MAPK3: variants seen among roughly 807,000 people sequenced by gnomAD.
MAPK3 encodes the protein mitogen-activated protein kinase 3.
In MAPK3, 30 loss-of-function variants were observed where a neutral mutation model predicts 41.8. That is an observed-to-expected ratio of 0.72 (90% CI 0.54 to 0.97). MAPK3 has a LOEUF of 0.97. MAPK3 is among the 50% of genes least tolerant of loss of function. The pLI is 0.00. For missense variants in MAPK3, 413 were observed against 509.9 expected (o/e 0.81, Z 1.83); for synonymous variants, 222 against 213.4 (o/e 1.04, Z -0.35).
chr16:30,116,806 C>A lies in MAPK3; in HGVS notation c.1018-16G>T, dbSNP rs369133216. ...CGGCCACTGGCTGGGGTGGTAGAGA[C>A]AGCAAGGCTCAGGCCTGGCATGGGG... On this transcript the variant is annotated splice_polypyrimidine_tract_variant and intron_variant, in intron 7 of 8. Coordinates refer to ENST00000263025, the MANE Select transcript of MAPK3 (RefSeq NM_002746.3). The A allele has an allele frequency of 6.2e-7, 1 of 1,613,756 alleles. No homozygotes were observed. Among genetic ancestry groups the A allele is most frequent in the Non-Finnish European group, 8.5e-7 (1 of 1,179,952 alleles).
At chr16:30,120,768 C>T (rs528930324) in intron 2 of MAPK3, among the ~76,000 whole-genome samples, 5 of 150,274 alleles carry the variant, frequency 3.3e-5, no homozygotes, top group Non-Finnish European at 7.4e-5. Flanking sequence ...ACTGCAGCCT[C>T]GAACTCCTAA....
At chr16:30,122,353 G>T in intron 1 of MAPK3, 1 of 372,894 alleles carries the variant, frequency 2.7e-6, no homozygotes, top group Non-Finnish European at 5.1e-6. Context: ...CAGATGCTGG[G>T]GACACACCAT....
intron 1 of MAPK3, 22 bp downstream of exon 1, chr16:30,123,018 C>A: frequency 6.7e-7 from 1 of 1,482,208 alleles, no homozygotes; most frequent in East Asian, 2.8e-5. Flanking sequence ...AGGGCACCCC[C>A]TCCCCCGGAA....
intron 2 of MAPK3, among the ~76,000 whole-genome samples, chr16:30,121,104 G>GT (rs2073011068): frequency 6.6e-6 from 1 of 151,682 alleles, no homozygotes; most frequent in Non-Finnish European, 1.5e-5. Context: ...AAGAAAGGCA[G>GT]TTTTTTGTTT....
rs762464616 is a variant in MAPK3, at chr16:30,116,986, G to A, written c.925C>T (p.Arg309Trp). ...TTATTGGGGTTAAAGGTTAACATCC[G>A]GTCCAGCAGGTCAAGGGCTATGGAA... Reference protein sequence around the residue: ...SDSKALDLLDRMLTFNPNKRI... With the variant: ...SDSKALDLLDWMLTFNPNKRI... Residue 309 changes from arginine (R) to tryptophan (W), a missense_variant, in exon 7 of 9, where the codon CGG becomes TGG. Arg to Trp is a moderately radical substitution (Grantham distance 101). Transcript: ENST00000263025. 29 of 1,605,930 alleles carry A rather than the reference G, an allele frequency of 1.8e-5. No individual in the cohort carries two copies. Among genetic ancestry groups the A allele is most frequent in the Admixed American group, 1.0e-4 (6 of 59,480 alleles).
intron 7 of MAPK3, 24 bp from the exon 8 acceptor site, chr16:30,116,814 C>A (rs770202943): frequency 9.5e-5 from 153 of 1,613,526 alleles, no homozygotes; most frequent in Admixed American, 2.3e-4. Flanking sequence ...GACAGCAAGG[C>A]TCAGGCCTGG....
At position 30,117,287 on chromosome 16, in the gene MAPK3, T is replaced by G; in HGVS notation, c.776-2A>C. On this transcript the variant is annotated splice_acceptor_variant, in intron 5 of 8. Transcript: ENST00000263025. LOFTEE classifies it high-confidence loss of function. ...CCTGGGATGGGGAGCCCAGGATGCC[T>G]GTGGATAAGGAGGTGACTTGGTAAA... 6.2e-7 allele frequency: 1 copy of G among 1,613,762 alleles called. No individual in the cohort carries two copies. Among genetic ancestry groups the G allele is most frequent in the Non-Finnish European group, 8.5e-7 (1 of 1,179,864 alleles).
chr16:30,123,040 C>G lies in MAPK3; in HGVS notation c.170G>C (p.Ser57Thr). The G allele has an allele frequency of 1.3e-6, 2 of 1,556,180 alleles. No homozygotes were observed. Among genetic ancestry groups the G allele is most frequent in the Non-Finnish European group, 1.7e-6 (2 of 1,152,186 alleles). Residue 57 changes from serine (S) to threonine (T), a missense_variant and splice_region_variant, in exon 1 of 9, where the codon AGC becomes ACC. Ser to Thr is a moderately conservative substitution (Grantham distance 58). Transcript: ENST00000263025. ...YIGEGAYGMVSSAYDHVRKTR... is the reference protein window; with the variant it reads ...YIGEGAYGMVTSAYDHVRKTR... ...CCCCTCCCCCGGAACGCCCCCTCAC[C>G]TGACCATGCCGTACGCGCCCTCGCC...
chr16:30,123,211 T>G lies in MAPK3; in HGVS notation c.-2A>C. 1.1e-6 allele frequency: 1 copy of G among 935,766 alleles called. No homozygotes were observed. Among genetic ancestry groups the G allele is most frequent in the Non-Finnish European group, 1.4e-6 (1 of 700,562 alleles). 58.0% of individuals were successfully genotyped at this position (935,766 alleles called of 1,614,324 possible). A position where few individuals can be genotyped will look rare whatever the true frequency, so the allele number is the denominator to read the frequency against. Reference sequence around the variant, plus strand: ...CCCCTGAGCCGCCGCCGCCGCCATCTCCACTCCTCCCCTCCCACCGCCCTC... The same window carrying G: ...CCCCTGAGCCGCCGCCGCCGCCATCGCCACTCCTCCCCTCCCACCGCCCTC... On this transcript the variant is annotated 5_prime_UTR_variant, in exon 1 of 9. Transcript: ENST00000263025.
chr16:30,121,063 A>T (rs1402033918), intron 2 of MAPK3, among the ~76,000 whole-genome samples: 1 of 151,738 alleles, frequency 6.6e-6, no homozygotes, highest in African/African-American at 2.4e-5. Flanking sequence ...AGCATTGGGC[A>T]TGTATAGTAC....
At chr16:30,120,363 C>A (rs953222109) in intron 2 of MAPK3, among the ~76,000 whole-genome samples, 1 of 150,294 alleles carries the variant, frequency 6.7e-6, no homozygotes, top group African/African-American at 2.4e-5. Flanking sequence ...TTGCAGACAC[C>A]TCAGTACAAA....
intron 2 of MAPK3, among the ~76,000 whole-genome samples, chr16:30,118,975 C>G (rs2072988430): frequency 6.6e-6 from 1 of 151,974 alleles, no homozygotes; most frequent in Admixed American, 6.6e-5. Context: ...AACCCTGTCT[C>G]TACTAAAAAT....
Position 30,116,755 on chromosome 16 carries a change from C to T in MAPK3, c.1053G>A (p.Glu351=). The T allele has an allele frequency of 1.2e-6, 2 of 1,613,950 alleles. No homozygotes were observed. Among genetic ancestry groups the T allele is most frequent in the Non-Finnish European group, 1.7e-6 (2 of 1,180,006 alleles). The change falls in exon 8 of 9, where the codon GAG becomes GAA. Residue 351 remains glutamate, a synonymous_variant. Transcript: ENST00000263025. The stretch of plus-strand genomic sequence containing the variant: ...GCCGCTCCTTAGGTAGGTCATCCAG[C>T]TCCATGGCGAAGGTGAAGGGCTCCT... ...VAEEPFTFAM[E]LDDLPKERLK...
Position 30,121,931 on chromosome 16 carries a change from G to GC in MAPK3, c.245dup (p.Cys82TrpfsTer17). On this transcript the variant is annotated frameshift_variant, in exon 2 of 9. Coordinates refer to ENST00000263025, the MANE Select transcript of MAPK3 (RefSeq NM_002746.3). LOFTEE classifies it high-confidence loss of function. ...TCTGGATCTCCCGGAGCGTGCGCTG[G>GC]CAGTAGGTCTGATGTTCGAAGGGGC... 6.2e-7 allele frequency: 1 copy of GC among 1,614,172 alleles called. No individual in the cohort carries two copies. The highest frequency in any genetic ancestry group is 1.6e-4 in the Middle Eastern group (1 of 6,062).
At chr16:30,117,978 G>T in intron 4 of MAPK3, 69 bp downstream of exon 4, 2 of 1,407,222 alleles carry the variant, frequency 1.4e-6, no homozygotes, top group South Asian at 1.2e-5. Context: ...TCAGTGTCTG[G>T]CTCAGAGGTA....
At chr16:30,117,529 G>T (rs2072969099) in intron 5 of MAPK3, 141 bp downstream of exon 5, 1 of 752,620 alleles carries the variant, frequency 1.3e-6, no homozygotes, top group African/African-American at 1.7e-5. Flanking sequence ...TATCCAATGG[G>T]GATAATATCT....
At chr16:30,118,253 T>C (rs2072979819) in intron 3 of MAPK3, 90 bp from the exon 4 acceptor site, 1 of 1,570,050 alleles carries the variant, frequency 6.4e-7, no homozygotes, top group African/African-American at 1.3e-5. Flanking sequence ...CACTGTTCCC[T>C]TTGCTTGCAA....
At chr16:30,117,055 G>A in intron 6 of MAPK3, 52 bp from the exon 7 acceptor site, 28 of 1,595,068 alleles carry the variant, frequency 1.8e-5, no homozygotes, top group Non-Finnish European at 2.4e-5. Flanking sequence ...GGAGCTCCGA[G>A]AAGCATTGCT....
intron 2 of MAPK3, among the ~76,000 whole-genome samples, chr16:30,121,359 C>T (rs61764206): frequency 0.022 from 3,349 of 152,286 alleles, 116 homozygotes; most frequent in African/African-American, 0.076. Flanking sequence ...AATCTCCCAC[C>T]TCAGCCTCCC....
Sources: gnomAD v4.1 joint callset for allele counts (sites outside exome capture counted in the v4.1 genomes callset) on GRCh38, gnomAD v4.1.1 for gene constraint, MANE v1.5 for transcripts, NCBI Gene and HGNC (gene_info 2026-07-23, HGNC 2026-07-21) for gene names.